MAPK10: variants seen among roughly 807,000 people sequenced by gnomAD.
The protein encoded by MAPK10 is mitogen-activated protein kinase 10.
Under a neutral mutation model 59.3 loss-of-function variants are expected in MAPK10, and 25 were observed. That is an observed-to-expected ratio of 0.42 (90% CI 0.31 to 0.59). The LOEUF (loss-of-function observed/expected upper bound fraction) is 0.59. Among genes scored for constraint, MAPK10 ranks in the 20% least tolerant of loss-of-function variants. The pLI is 0.15. For missense variants in MAPK10, 351 were observed against 568.9 expected, an observed-to-expected ratio of 0.62 and a Z score of 3.90; for synonymous variants, 190 against 200.5, an observed-to-expected ratio of 0.95 and a Z score of 0.44.
intron 2 of MAPK10, among the ~76,000 whole-genome samples, chr4:86,263,807 T>A (rs2094117969): frequency 6.6e-6 from 1 of 152,184 alleles, no homozygotes; most frequent in Non-Finnish European, 1.5e-5. Flanking sequence ...TATGCATTGA[T>A]ATTTGGCACA....
At chr4:86,246,441 G>GCAA (rs1206619355) in intron 2 of MAPK10, among the ~76,000 whole-genome samples, 16 of 151,992 alleles carry the variant, frequency 1.1e-4, no homozygotes, top group Admixed American at 2.0e-4. Context: ...AACAACAACA[G>GCAA]CAACAACAAC....
intron 9 of MAPK10, chr4:86,089,375 G>T: frequency 1.3e-6 from 1 of 776,366 alleles, no homozygotes; most frequent in Non-Finnish European, 2.2e-6. Context: ...GCAATAGTCT[G>T]ACTTTTCACT....
At chr4:86,091,536 ATTTTTTTTTTTTTTT>A (rs71657508) in intron 9 of MAPK10, 1 of 67,416 alleles carries the variant, frequency 1.5e-5, no homozygotes, top group Non-Finnish European at 2.6e-5. Context: ...AAATCCCTTG[ATTTTTTTTTTTTTTT>A]TTTTTTTTTT....
At chr4:86,366,726 T>C (rs1358329124) in intron 1 of MAPK10, among the ~76,000 whole-genome samples, 1 of 152,140 alleles carries the variant, frequency 6.6e-6, no homozygotes, top group African/African-American at 2.4e-5. Flanking sequence ...ACTAATTCAG[T>C]GCTAGGACTC....
intron 1 of MAPK10, among the ~76,000 whole-genome samples, chr4:86,408,440 G>C (rs986371707): frequency 6.6e-6 from 1 of 152,014 alleles, no homozygotes; most frequent in Non-Finnish European, 1.5e-5. Context: ...TGGGTCAAAT[G>C]GTATTTCTAG....
At chr4:86,369,639 A>T (rs1738450577) in intron 1 of MAPK10, among the ~76,000 whole-genome samples, 1 of 152,210 alleles carries the variant, frequency 6.6e-6, no homozygotes, top group Non-Finnish European at 1.5e-5. Flanking sequence ...TATCCTAAAC[A>T]TGCTATTTCA....
intron 4 of MAPK10, among the ~76,000 whole-genome samples, chr4:86,141,909 G>A (rs4693756): frequency 0.12 from 18,429 of 152,208 alleles, 1,431 homozygotes; most frequent in Non-Finnish European, 0.16. Flanking sequence ...TTGTGGCAAG[G>A]GCTTTTGTGC....
intron 2 of MAPK10, among the ~76,000 whole-genome samples, chr4:86,322,247 C>G (rs1024443675): frequency 1.3e-5 from 2 of 152,168 alleles, no homozygotes; most frequent in Non-Finnish European, 2.9e-5. Flanking sequence ...GAAAAATTTG[C>G]ATTTGTTTGT....
chr4:86,476,849 C>A (rs1753132296), intron 1 of MAPK10, among the ~76,000 whole-genome samples: 1 of 152,146 alleles, frequency 6.6e-6, no homozygotes, highest in Non-Finnish European at 1.5e-5. Context: ...TCTCCTCCCC[C>A]AGGAGCTTGC....
chr4:86,261,935 G>A (rs1261530452), intron 2 of MAPK10, among the ~76,000 whole-genome samples: 1 of 152,242 alleles, frequency 6.6e-6, no homozygotes, highest in Non-Finnish European at 1.5e-5. Context: ...AACTGACATT[G>A]CCCTGCTGGG....
At chr4:86,219,100 T>C (rs559110212) in intron 2 of MAPK10, among the ~76,000 whole-genome samples, 6 of 152,314 alleles carry the variant, frequency 3.9e-5, no homozygotes, top group African/African-American at 1.2e-4. Flanking sequence ...GGAGCACACA[T>C]GCAAACCTAA....
chr4:86,122,530 A>T (rs561501751), intron 4 of MAPK10, among the ~76,000 whole-genome samples: 1 of 152,196 alleles, frequency 6.6e-6, no homozygotes, highest in African/African-American at 2.4e-5. Context: ...CAGGGTCTTG[A>T]TCCCACTTGT....
At chr4:86,578,057 C>A (rs1050831246) in intron 1 of MAPK10, among the ~76,000 whole-genome samples, 1 of 152,058 alleles carries the variant, frequency 6.6e-6, no homozygotes, top group South Asian at 2.1e-4. Flanking sequence ...TCCAAGTTTG[C>A]TGATGAGCGA....
chr4:86,253,755 G>A (rs1245984258), intron 2 of MAPK10, among the ~76,000 whole-genome samples: 1 of 73,026 alleles, frequency 1.4e-5, no homozygotes, highest in Non-Finnish European at 2.4e-5. Context: ...AATGGTACCA[G>A]TTCCTCCTTG....
intron 2 of MAPK10, chr4:86,277,127 T>C (rs2094605021): frequency 6.6e-6 from 1 of 151,806 alleles, no homozygotes; most frequent in Non-Finnish European, 1.5e-5. Flanking sequence ...CTAGCACCAA[T>C]TGTGACCATC....
chr4:86,286,056 C>A (rs760935516), intron 2 of MAPK10, among the ~76,000 whole-genome samples: 2 of 152,204 alleles, frequency 1.3e-5, no homozygotes, highest in Non-Finnish European at 2.9e-5. Flanking sequence ...TCCAGAAACA[C>A]CCTCACAGAC....
intron 9 of MAPK10, among the ~76,000 whole-genome samples, chr4:86,070,896 G>T (rs1652257526): frequency 6.6e-6 from 1 of 151,984 alleles, no homozygotes; most frequent in Non-Finnish European, 1.5e-5. Flanking sequence ...TAGTCATTTG[G>T]GTATATACCC....
At chr4:86,496,794 TC>T (rs552357103) in intron 1 of MAPK10, among the ~76,000 whole-genome samples, 20 of 151,276 alleles carry the variant, frequency 1.3e-4, no homozygotes, top group Non-Finnish European at 2.5e-4. Flanking sequence ...AATATTTAAT[TC>T]CCCCCCCACC....
At chr4:86,455,225 AAC>A (rs1751126793), upstream of MAPK10, among the ~76,000 whole-genome samples, 1 of 151,854 alleles carries the variant, frequency 6.6e-6, no homozygotes, top group African/African-American at 2.4e-5. Flanking sequence ...ATACAACAAC[AAC>A]AAAAAAAACA....
Sources: allele counts gnomAD v4.1 joint callset (sites outside exome capture counted in the v4.1 genomes callset), GRCh38; gene constraint gnomAD v4.1.1; transcripts MANE v1.5; gene names NCBI Gene and HGNC (gene_info 2026-07-23, HGNC 2026-07-21).